SLC13A1: variants seen among roughly 807,000 people sequenced by gnomAD.
SLC13A1 encodes Na(+)/sulfate cotransporter.
A neutral mutation model predicts 70.0 loss-of-function variants in SLC13A1; 65 were observed. The observed-to-expected ratio is 0.93, with a 90% CI of 0.76 to 1.14. The LOEUF (loss-of-function observed/expected upper bound fraction) is 1.14, where lower values mean the gene tolerates loss of function less well. Ranked by LOEUF, SLC13A1 falls within the 50% of genes most tolerant of loss-of-function variation. The probability of loss-of-function intolerance (pLI) is 0.00; values close to 1 mark genes in which losing one functional copy is unlikely to be tolerated. For missense variants in SLC13A1, 726 were observed against 717.8 expected (o/e 1.01, Z -0.13); for synonymous variants, 275 against 250.5 (o/e 1.10, Z -0.92).
At chr7:123,182,240 T>C (rs80031385) in intron 1 of SLC13A1, among the ~76,000 whole-genome samples, 4,420 of 152,258 alleles carry the variant, frequency 0.029, 87 homozygotes, top group Middle Eastern at 0.051. Context: ...TTGTGTATAC[T>C]AGCTTAAATT....
At chr7:123,129,726 C>T (rs953815128) in intron 8 of SLC13A1, among the ~76,000 whole-genome samples, 5 of 152,052 alleles carry the variant, frequency 3.3e-5, no homozygotes, top group African/African-American at 1.2e-4. Flanking sequence ...ATTTTCATTG[C>T]ATATTTTCCA....
At chr7:123,192,156 C>T (rs1238207847) in intron 1 of SLC13A1, among the ~76,000 whole-genome samples, 1 of 152,110 alleles carries the variant, frequency 6.6e-6, no homozygotes, top group Admixed American at 6.6e-5. Context: ...TGCTAATAAA[C>T]AGCACTGGAA....
intron 2 of SLC13A1, among the ~76,000 whole-genome samples, chr7:123,176,485 G>T (rs1235969862): frequency 6.6e-6 from 1 of 152,104 alleles, no homozygotes; most frequent in Non-Finnish European, 1.5e-5. Context: ...AAAAGCATGG[G>T]CTTTTGCAAT....
intron 7 of SLC13A1, among the ~76,000 whole-genome samples, chr7:123,140,370 A>G (rs977143102): frequency 6.6e-6 from 1 of 152,092 alleles, no homozygotes; most frequent in Non-Finnish European, 1.5e-5. Context: ...ATCAATATTC[A>G]TAAGGGATAT....
At chr7:123,172,189 C>T (rs1795298618) in intron 2 of SLC13A1, among the ~76,000 whole-genome samples, 1 of 152,162 alleles carries the variant, frequency 6.6e-6, no homozygotes, top group Non-Finnish European at 1.5e-5. Context: ...TTTGTTTATG[C>T]ATCTATAGTG....
intron 7 of SLC13A1, among the ~76,000 whole-genome samples, chr7:123,145,161 T>A (rs1311294677): frequency 6.6e-6 from 1 of 152,182 alleles, no homozygotes; most frequent in African/African-American, 2.4e-5. Flanking sequence ...GACAAGTTAC[T>A]ATGTGCCAGA....
At chr7:123,168,272 A>T in intron 6 of SLC13A1, 102 bp downstream of exon 6, 1 of 724,266 alleles carries the variant, frequency 1.4e-6, no homozygotes, top group Non-Finnish European at 2.3e-6. Context: ...AATAATTTAT[A>T]GAAAAGGAAG....
intron 6 of SLC13A1, among the ~76,000 whole-genome samples, chr7:123,167,644 A>T (rs565791783): frequency 4.5e-4 from 69 of 152,112 alleles, no homozygotes; most frequent in African/African-American, 1.6e-3. Context: ...TTTTATATTG[A>T]TTTATTCTGG....
At chr7:123,137,386 C>A (rs1793987915) in intron 7 of SLC13A1, among the ~76,000 whole-genome samples, 1 of 152,240 alleles carries the variant, frequency 6.6e-6, no homozygotes, top group African/African-American at 2.4e-5. Context: ...ATCAAAGTCC[C>A]TAGCAATTGA....
At chr7:123,195,448 T>C (rs7804123) in intron 1 of SLC13A1, among the ~76,000 whole-genome samples, 4,982 of 152,092 alleles carry the variant, frequency 0.033, 289 homozygotes, top group African/African-American at 0.11. Context: ...CTTCTTTCAC[T>C]TATAGTCTTT....
chr7:123,192,944 A>G (rs919077697), intron 1 of SLC13A1, among the ~76,000 whole-genome samples: 5 of 152,112 alleles, frequency 3.3e-5, no homozygotes, highest in African/African-American at 1.2e-4. Context: ...CAAAATGGAT[A>G]GTAGAGAAAA....
Position 123,117,592 on chromosome 7 carries a change from A to C in SLC13A1, c.1529T>G (p.Val510Gly). 1 of 1,608,148 alleles carries C rather than the reference A, an allele frequency of 6.2e-7. No homozygotes were observed. The highest frequency in any genetic ancestry group is 1.1e-5 in the South Asian group (1 of 90,224). Residue 510 changes from valine (V) to glycine (G), a missense_variant, in exon 14 of 15, where the codon GTG (valine) becomes GGG (glycine). Physicochemically the swap from Val to Gly is moderately radical, Grantham distance 109. Coordinates refer to ENST00000194130, the MANE Select transcript of SLC13A1 (RefSeq NM_022444.4). The part of the protein sequence containing the change: ...ILSPLAEAIH[V>G]NPLYILIPST... ...AGGTATCAGAATATAAAGAGGGTTC[A>C]CATGAATGGCTTCGGCCTGTTGTAA...
chr7:123,159,341 G>A (rs1431331319), intron 6 of SLC13A1, among the ~76,000 whole-genome samples: 1 of 152,154 alleles, frequency 6.6e-6, no homozygotes, highest in Admixed American at 6.6e-5. Flanking sequence ...TGCCTAATCC[G>A]ATAGGGCTGA....
At chr7:123,180,801 T>C (rs1417292934) in intron 2 of SLC13A1, among the ~76,000 whole-genome samples, 172 bp downstream of exon 2, 1 of 152,074 alleles carries the variant, frequency 6.6e-6, no homozygotes, top group East Asian at 1.9e-4. Context: ...TGTTTGTTCT[T>C]TGAAGGTGGA....
At chr7:123,132,112 C>T (rs1026473980) in intron 8 of SLC13A1, among the ~76,000 whole-genome samples, 5 of 152,166 alleles carry the variant, frequency 3.3e-5, no homozygotes, top group Admixed American at 1.3e-4. Context: ...GGCCTCTCCC[C>T]ATTGATGCCC....
intron 6 of SLC13A1, among the ~76,000 whole-genome samples, chr7:123,158,537 T>A (rs1478351031): frequency 6.6e-6 from 1 of 151,884 alleles, no homozygotes; most frequent in East Asian, 1.9e-4. Flanking sequence ...GATGAGGCAA[T>A]TGAATATTGA....
chr7:123,126,799 T>C (rs1373086871), intron 10 of SLC13A1, among the ~76,000 whole-genome samples: 1 of 152,114 alleles, frequency 6.6e-6, no homozygotes, highest in African/African-American at 2.4e-5. Flanking sequence ...ATTTCAGTTA[T>C]AATTTTTGGT....
At chr7:123,132,973 G>C (rs1434941134) in intron 8 of SLC13A1, among the ~76,000 whole-genome samples, 1 of 152,102 alleles carries the variant, frequency 6.6e-6, no homozygotes, top group Admixed American at 6.6e-5. Flanking sequence ...AAGATAATAT[G>C]TTGAAGTTGT....
At chr7:123,156,349 C>A (rs1170348378) in intron 6 of SLC13A1, among the ~76,000 whole-genome samples, 1 of 152,028 alleles carries the variant, frequency 6.6e-6, no homozygotes, top group Non-Finnish European at 1.5e-5. Context: ...AACCTGCCAT[C>A]TTAATGGAAG....
Sources: allele counts gnomAD v4.1 joint callset (sites outside exome capture counted in the v4.1 genomes callset), GRCh38; gene constraint gnomAD v4.1.1; transcripts MANE v1.5; gene names NCBI Gene and HGNC (gene_info 2026-07-23, HGNC 2026-07-21).